The following SGCA variants were observed in gnomAD, a reference collection of about 807,000 sequenced individuals.
SGCA encodes sarcoglycan alpha.
SGCA carries 34 observed loss-of-function variants against 38.1 expected under a neutral mutation model. The observed-to-expected ratio is 0.89, with a 90% CI of 0.68 to 1.19. The LOEUF (loss-of-function observed/expected upper bound fraction) is 1.19. SGCA is among the 50% of genes most tolerant of loss of function. SGCA has a pLI of 0.00. For synonymous variants in SGCA, 209 were observed against 214.6 expected, an observed-to-expected ratio of 0.97 and a Z score of 0.23; for missense variants, 476 against 524.9, an observed-to-expected ratio of 0.91 and a Z score of 0.91.
In SGCA at chr17:50,170,642, T is replaced by G; in HGVS notation, c.959T>G (p.Leu320Arg). The G allele has an allele frequency of 6.4e-7, 1 of 1,561,164 alleles. No homozygotes were observed. The highest frequency in any genetic ancestry group is 8.7e-7 in the Non-Finnish European group (1 of 1,151,358). The change falls in exon 8 of 10, where the codon CTG becomes CGG. Residue 320 changes from leucine (L) to arginine (R), a missense_variant and splice_region_variant. By Grantham distance (102) the Leu-to-Arg change is moderately radical. Coordinates refer to ENST00000262018, the MANE Select transcript of SGCA (RefSeq NM_000023.4). ...YVMCCRREGR[L>R]KRDLATSDIQ... ...CCCTCTCCTTCACTTTTCCACAGGC[T>G]GAAGAGAGACCTGGCTACCTCCGAG...
intron 8 of SGCA, among the ~76,000 whole-genome samples, chr17:50,174,191 T>G (rs949047889): frequency 3.3e-5 from 5 of 152,084 alleles, no homozygotes; most frequent in African/African-American, 1.2e-4. Flanking sequence ...CATGGTGGCT[T>G]GCACTTATAG....
chr17:50,168,506 TCAA>T lies in SGCA; in HGVS notation c.520_522del (p.Asn174del). On this transcript the variant is annotated inframe_deletion, in exon 5 of 10. Transcript: ENST00000262018. The stretch of plus-strand genomic sequence containing the variant: ...TGGGAGCCCGGAGAGCTTCAGCTGC[TCAA>T]CGTCACCTCTGCCTTGGACCGTGGG... 6.3e-7 allele frequency: 1 copy of T among 1,579,964 alleles called. No individual in the cohort carries two copies. The highest frequency in any genetic ancestry group is 8.6e-7 in the Non-Finnish European group (1 of 1,162,462).
Position 50,167,312 on chromosome 17 carries a change from C to T in SGCA, c.38-56C>T. On this transcript the variant is annotated intron_variant, in intron 1 of 9. Transcript: ENST00000262018. The surrounding 1 kb of genome is among the most constrained non-coding windows in gnomAD (Gnocchi z 4.5). ...GGACTTGGTGGGGAAGGGAGCTTAT[C>T]CCCTGCCCAGGACTGAGGCTGGCCT... The T allele has an allele frequency of 3.7e-6, 6 of 1,611,912 alleles. No individual in the cohort carries two copies. Among genetic ancestry groups the T allele is most frequent in the African/African-American group, 2.7e-5 (2 of 75,042 alleles).
In SGCA at chr17:50,175,777, C is replaced by T. The variant is rs771317654; in HGVS notation, c.*78C>T. The T allele has an allele frequency of 5.7e-5, 30 of 529,994 alleles. No homozygotes were observed. The highest frequency in any genetic ancestry group is 4.4e-4 in the South Asian group (29 of 65,216). 32.8% of individuals were successfully genotyped at this position (529,994 alleles called of 1,614,324 possible). A position where few individuals can be genotyped will look rare whatever the true frequency, so the allele number is the denominator to read the frequency against. ...TCCACACCACGAGTGGCACATCCCA[C>T]CTGCTGATTCCAGCTCCTGGCCCTC... On this transcript the variant is annotated 3_prime_UTR_variant, in exon 10 of 10. Coordinates refer to ENST00000262018, the MANE Select transcript of SGCA (RefSeq NM_000023.4).
intron 7 of SGCA, 74 bp downstream of exon 7, chr17:50,170,425 C>G: frequency 1.4e-6 from 2 of 1,465,748 alleles, no homozygotes; most frequent in Non-Finnish European, 1.9e-6. Context: ...GGCACTTGTG[C>G]TGTATGGGAC....
In SGCA at chr17:50,168,969, G is replaced by T. The variant is rs114123806; in HGVS notation, c.585-123G>T. Reference sequence around the variant, plus strand: ...CCTCCCTTAATCCTCCCTCTTAGGCGTCTCCCTCATCCCATCCCCAGGTCA... The same window carrying T: ...CCTCCCTTAATCCTCCCTCTTAGGCTTCTCCCTCATCCCATCCCCAGGTCA... On this transcript the variant is annotated intron_variant, in intron 5 of 9. Coordinates refer to ENST00000262018, the MANE Select transcript of SGCA (RefSeq NM_000023.4). 3,721 of 879,330 alleles carry T rather than the reference G, an allele frequency of 4.2e-3. 113 individuals carry two copies. In the African/African-American group the frequency reaches 0.052, roughly 12 times the overall value. 54.5% of individuals were successfully genotyped at this position (879,330 alleles called of 1,614,324 possible). A position where few individuals can be genotyped will look rare whatever the true frequency, so the allele number is the denominator to read the frequency against.
Position 50,167,011 on chromosome 17 carries a change from A to T in SGCA, c.38-357A>T, listed in dbSNP as rs1270354394. 7.8e-6 allele frequency among the ~76,000 whole-genome samples: 1 copy of T among 128,524 alleles called. No homozygotes were observed. Among genetic ancestry groups the T allele is most frequent in the Non-Finnish European group, 1.6e-5 (1 of 60,972 alleles). The allele number at this position is 128,524 out of a possible 152,430, so 84.3% of individuals were successfully genotyped here. On this transcript the variant is annotated intron_variant, in intron 1 of 9. Coordinates refer to ENST00000262018, the MANE Select transcript of SGCA (RefSeq NM_000023.4). The surrounding 1 kb of genome is among the most constrained non-coding windows in gnomAD (Gnocchi z 4.5). ...CACACACATCCTCACAGACCCTCAC[A>T]CATACCTTCACACACACACCCCCCC...
Position 50,169,251 on chromosome 17 carries a change from C to T in SGCA, c.744C>T (p.Thr248=), listed in dbSNP as rs1381319182. 6.2e-7 allele frequency: 1 copy of T among 1,611,902 alleles called. No homozygotes were observed. Among genetic ancestry groups the T allele is most frequent in the Non-Finnish European group, 8.5e-7 (1 of 1,178,394 alleles). Residue 248 remains threonine, a synonymous_variant, in exon 6 of 10, where the codon ACC becomes ACT. Transcript: ENST00000262018. Reference sequence around the variant, plus strand: ...TCCGCGTTGACTGGTGCAATGTGACCCTGGTGAGGAGGGACCCTGGGTCCG... The same window carrying T: ...TCCGCGTTGACTGGTGCAATGTGACTCTGGTGAGGAGGGACCCTGGGTCCG... The part of the protein sequence containing the change: ...PHFRVDWCNV[T]LVDKSVPEPA...
chr17:50,169,634 C>G, intron 6 of SGCA: 1 of 330,246 alleles, frequency 3.0e-6, no homozygotes, highest in South Asian at 3.6e-5. Context: ...TGCCACCTAG[C>G]AAACCCACTT....
At chr17:50,175,154 C>A in intron 8 of SGCA, 103 bp from the exon 9 acceptor site, 2 of 1,068,100 alleles carry the variant, frequency 1.9e-6, no homozygotes. Context: ...TCTCTCCCCA[C>A]ATAAGTGGTG....
Position 50,167,507 on chromosome 17 carries a change from C to A in SGCA, c.157+20C>A, listed in dbSNP as rs1363530176. The A allele has an allele frequency of 1.2e-6, 2 of 1,614,022 alleles. No homozygotes were observed. The highest frequency in any genetic ancestry group is 1.3e-5 in the African/African-American group (1 of 74,918). The stretch of plus-strand genomic sequence containing the variant: ...ATGTCGGTGAGCGGCCTGACAGGCA[C>A]CCAGGCGGGCGGGCTGGGGTGTACC... On this transcript the variant is annotated intron_variant, in intron 2 of 9. Transcript: ENST00000262018. The surrounding 1 kb of genome is among the most constrained non-coding windows in gnomAD (Gnocchi z 4.5).
At chr17:50,168,322 G>C (rs1190473496) in intron 4 of SGCA, 52 bp from the exon 5 acceptor site, 2 of 1,482,894 alleles carry the variant, frequency 1.3e-6, no homozygotes, top group Admixed American at 2.0e-5. Context: ...GAGGCTTTGC[G>C]GGGCAGAGCT....
At chr17:50,169,446 C>CACACACACACACA (rs61359101) in intron 6 of SGCA, 192 bp downstream of exon 6, 25 of 576,260 alleles carry the variant, frequency 4.3e-5, no homozygotes, top group South Asian at 1.1e-4. Flanking sequence ...CACACACACA[C>CACACACACACACA]CCCTGAAGTT....
rs749965562 is a variant in SGCA, at chr17:50,170,155, G to A, written c.760G>A (p.Val254Met). The A allele has an allele frequency of 1.9e-6, 3 of 1,614,140 alleles. No individual in the cohort carries two copies. Among genetic ancestry groups the A allele is most frequent in the African/African-American group, 2.7e-5 (2 of 75,040 alleles). The change falls in exon 7 of 10, where the codon GTG becomes ATG. Residue 254 changes from valine to methionine, a missense_variant. Val to Met is a conservative substitution (Grantham distance 21). Coordinates refer to ENST00000262018, the MANE Select transcript of SGCA (RefSeq NM_000023.4). ...GCTCTCTGTGCAGGTGGATAAGTCA[G>A]TGCCGGAGCCTGCAGATGAGGTGCC... The part of the protein sequence containing the change: ...WCNVTLVDKS[V>M]PEPADEVPTP...
At chr17:50,166,433 G>A (rs1904809107) in intron 1 of SGCA, among the ~76,000 whole-genome samples, 1 of 152,072 alleles carries the variant, frequency 6.6e-6, no homozygotes, top group Admixed American at 6.5e-5. Flanking sequence ...CTGGCGGCCA[G>A]GTCCTCTGCT....
intron 8 of SGCA, chr17:50,172,475 A>G (rs1598274460): frequency 6.1e-6 from 2 of 328,694 alleles, no homozygotes; most frequent in East Asian, 1.6e-4. Context: ...GCCTGGGCGG[A>G]TTTTATTTTT....
rs766400853 is a variant in SGCA at position 50,167,610 on chromosome 17, C to G, written c.186C>G (p.Tyr62Ter). 6.2e-7 allele frequency: 1 copy of G among 1,613,772 alleles called. No homozygotes were observed. The highest frequency in any genetic ancestry group is 1.7e-5 in the Admixed American group (1 of 60,028). Reference sequence around the variant, plus strand: ...TCCCACCCGCTGTCCACATCACCTACCACGCCCACCTCCAGGGACACCCAG... The same window carrying G: ...TCCCACCCGCTGTCCACATCACCTAGCACGCCCACCTCCAGGGACACCCAG... The part of the protein sequence containing the change: ...VAVPPAVHIT[Y>*]HAHLQGHPDL... The change falls in exon 3 of 10, where the codon TAC (tyrosine) becomes TAG (stop). Residue 62 changes from tyrosine to a stop codon, truncating the protein, a stop_gained. Transcript: ENST00000262018. LOFTEE classifies it high-confidence loss of function. This position sits in a 1 kb window ranked among gnomAD's most constrained non-coding sequence, Gnocchi z 4.5.
chr17:50,175,197 C>T (rs1905826467), intron 8 of SGCA, 60 bp from the exon 9 acceptor site: 2 of 1,517,604 alleles, frequency 1.3e-6, no homozygotes, highest in African/African-American at 1.4e-5. Context: ...GAGGCAGTTC[C>T]AGGCTGTACT....
intron 8 of SGCA, chr17:50,172,150 C>T (rs1005828839): frequency 1.3e-5 from 6 of 456,716 alleles, no homozygotes; most frequent in African/African-American, 1.2e-4. Context: ...GCTGAGGCTT[C>T]CTCTTGAGCT....
Sources: allele counts gnomAD v4.1 joint callset (sites outside exome capture counted in the v4.1 genomes callset), GRCh38; gene constraint gnomAD v4.1.1; non-coding constraint Gnocchi (gnomAD v3.1); transcripts MANE v1.5; gene names NCBI Gene and HGNC (gene_info 2026-07-23, HGNC 2026-07-21).